CDK2AP1: variants seen among roughly 807,000 people sequenced by gnomAD.
CDK2AP1 encodes the protein cyclin-dependent kinase 2-associated protein 1.
A neutral mutation model predicts 14.1 loss-of-function variants in CDK2AP1; 10 were observed. That is an observed-to-expected ratio of 0.71 (90% CI 0.44 to 1.20). The LOEUF is 1.20. Ranked by LOEUF, CDK2AP1 falls within the 50% of genes most tolerant of loss-of-function variation. The pLI is 0.00. For synonymous variants in CDK2AP1, 59 were observed against 59.8 expected (o/e 0.99, Z 0.06); for missense variants, 102 against 149.9 (o/e 0.68, Z 1.67).
Position 123,265,573 on chromosome 12 carries a change from CG to C in CDK2AP1, c.154-252del, listed in dbSNP as rs1207424477. On this transcript the variant is annotated intron_variant, in intron 2 of 3. Transcript: ENST00000261692. This position sits in a 1 kb window ranked among gnomAD's most constrained non-coding sequence, Gnocchi z 5.3. ...ACAGGCAGGTGGGTGGAGAGGGCCC[CG>C]GGCCGGTCAGGATAGGGAACGCAGC... Among the ~76,000 whole-genome samples the C allele has an allele frequency of 2.0e-5, 3 of 151,906 alleles. No individual in the cohort carries two copies. The East Asian group carries it at 5.8e-4, about 29-fold the overall frequency.
At position 123,261,451 on chromosome 12, in the gene CDK2AP1, G is replaced by A. The variant is rs992569910; in HGVS notation, c.*285C>T. The A allele has an allele frequency of 8.3e-6, 3 of 362,666 alleles. No homozygotes were observed. Among genetic ancestry groups the A allele is most frequent in the Non-Finnish European group, 1.5e-5 (3 of 195,278 alleles). 22.5% of individuals were successfully genotyped at this position (362,666 alleles called of 1,614,324 possible). On this transcript the variant is annotated 3_prime_UTR_variant, in exon 4 of 4. Coordinates refer to ENST00000261692, the MANE Select transcript of CDK2AP1 (RefSeq NM_004642.4). Reference sequence around the variant, plus strand: ...AAAGGGAGACAATGGTGTCTTGGAGGCAAACTACAGTTTGCTGTAAGATAA... The same window carrying A: ...AAAGGGAGACAATGGTGTCTTGGAGACAAACTACAGTTTGCTGTAAGATAA...
intron 1 of CDK2AP1, chr12:123,270,739 G>A: frequency 1.1e-5 from 8 of 730,536 alleles, no homozygotes; most frequent in Non-Finnish European, 1.3e-5. Context: ...CTTGAGGGGA[G>A]CCCCTCCCGG....
chr12:123,263,511 A>G (rs1293823351), intron 3 of CDK2AP1, among the ~76,000 whole-genome samples: 2 of 152,124 alleles, frequency 1.3e-5, no homozygotes, highest in African/African-American at 2.4e-5. Context: ...TCTTCCCAGG[A>G]ATTTCCATTC....
chr12:123,261,436 A>G lies in CDK2AP1; in HGVS notation c.*300T>C. ...ACAAAAGAGAAGATTAAAGGGAGACAATGGTGTCTTGGAGGCAAACTACAG... is the reference window on the plus strand; with the variant it reads ...ACAAAAGAGAAGATTAAAGGGAGACGATGGTGTCTTGGAGGCAAACTACAG... On this transcript the variant is annotated 3_prime_UTR_variant, in exon 4 of 4. Coordinates refer to ENST00000261692, the MANE Select transcript of CDK2AP1 (RefSeq NM_004642.4). 3.0e-6 allele frequency: 1 copy of G among 332,332 alleles called. No homozygotes were observed. The highest frequency in any genetic ancestry group is 5.6e-6 in the Non-Finnish European group (1 of 177,028). The allele number at this position is 332,332 out of a possible 1,614,324, so 20.6% of individuals were successfully genotyped here. A position where few individuals can be genotyped will look rare whatever the true frequency, so the allele number is the denominator to read the frequency against.
At chr12:123,266,741 TC>T (rs1460545437) in intron 2 of CDK2AP1, among the ~76,000 whole-genome samples, 1 of 152,158 alleles carries the variant, frequency 6.6e-6, no homozygotes, top group African/African-American at 2.4e-5. Context: ...ATACTGGCCC[TC>T]GACAAAAGGC....
rs150759172 is a variant in CDK2AP1 at position 123,263,220 on chromosome 12, A to C, written c.281-1417T>G. Among the ~76,000 whole-genome samples the C allele has an allele frequency of 6.7e-4, 102 of 151,454 alleles. 1 individual carries two copies. The highest frequency in any genetic ancestry group is 2.3e-3 in the African/African-American group (97 of 41,318). On this transcript the variant is annotated intron_variant, in intron 3 of 3. Coordinates refer to ENST00000261692, the MANE Select transcript of CDK2AP1 (RefSeq NM_004642.4). The stretch of plus-strand genomic sequence containing the variant: ...AGCGAGACTCTGTCTCAAAAAAAAA[A>C]AAAAAACAAAAAAAAACCACTATTC...
At chr12:123,267,552 G>A in intron 1 of CDK2AP1, 1 of 403,242 alleles carries the variant, frequency 2.5e-6, no homozygotes, top group Admixed American at 3.7e-5. Flanking sequence ...CAGCAGGGCT[G>A]CTCCCAAAGA....
chr12:123,261,140 G>A lies in CDK2AP1; in HGVS notation c.*596C>T, dbSNP rs1289147032. On this transcript the variant is annotated 3_prime_UTR_variant, in exon 4 of 4. Coordinates refer to ENST00000261692, the MANE Select transcript of CDK2AP1 (RefSeq NM_004642.4). Reference sequence around the variant, plus strand: ...TGAGATCTACTTACAGTCTTAGTATGAAAGTGTTCGGGGGTCCTTGTTAGG... The same window carrying A: ...TGAGATCTACTTACAGTCTTAGTATAAAAGTGTTCGGGGGTCCTTGTTAGG... The A allele has an allele frequency of 6.6e-6, 1 of 152,562 alleles. No homozygotes were observed. The highest frequency in any genetic ancestry group is 1.5e-5 in the Non-Finnish European group (1 of 68,134). 9.5% of individuals were successfully genotyped at this position (152,562 alleles called of 1,614,324 possible).
chr12:123,270,089 T>G, intron 1 of CDK2AP1: 1 of 347,162 alleles, frequency 2.9e-6, no homozygotes, highest in Non-Finnish European at 4.1e-6. Context: ...GACACCAGGG[T>G]AAGCCTGAGC....
chr12:123,270,791 C>T, intron 1 of CDK2AP1: 1 of 976,642 alleles, frequency 1.0e-6, no homozygotes, highest in Non-Finnish European at 1.2e-6. Flanking sequence ...CTTGGGGGCT[C>T]CCAGATGGGG....
intron 2 of CDK2AP1, among the ~76,000 whole-genome samples, chr12:123,266,924 G>A (rs1425112703): frequency 6.6e-6 from 1 of 152,214 alleles, no homozygotes; most frequent in East Asian, 1.9e-4. Flanking sequence ...GCGTGGGGTG[G>A]GAGCCTCAGC....
In CDK2AP1 at chr12:123,261,684, G is replaced by T. The variant is rs1176043294; in HGVS notation, c.*52C>A. The T allele has an allele frequency of 2.7e-6, 4 of 1,467,038 alleles. No individual in the cohort carries two copies. Among genetic ancestry groups the T allele is most frequent in the Non-Finnish European group, 2.9e-6 (3 of 1,045,780 alleles). The allele number at this position is 1,467,038 out of a possible 1,614,324, so 90.9% of individuals were successfully genotyped here. A position where few individuals can be genotyped will look rare whatever the true frequency, so the allele number is the denominator to read the frequency against. ...TTCATCTGAACAGGGGAGATGAACT[G>T]TAACTTCTCATCTTGTAAAAAGATG... On this transcript the variant is annotated 3_prime_UTR_variant, in exon 4 of 4. Transcript: ENST00000261692.
In CDK2AP1 at chr12:123,267,239, T is replaced by C. The variant is rs749435329; in HGVS notation, c.99A>G (p.Ser33=). The change falls in exon 2 of 4, where the codon TCA becomes TCG. Residue 33 remains serine (S), a synonymous_variant. Coordinates refer to ENST00000261692, the MANE Select transcript of CDK2AP1 (RefSeq NM_004642.4). The stretch of plus-strand genomic sequence containing the variant: ...AGTCACTGAGCAGCTGGCGGTACTG[T>C]GAAGACGTTGCCATGCTGGTGGAAG... ...HSPSTSMATS[S]QYRQLLSDYG... 1 of 1,613,582 alleles carries C rather than the reference T, an allele frequency of 6.2e-7. No individual in the cohort carries two copies. The highest frequency in any genetic ancestry group is 1.1e-5 in the South Asian group (1 of 91,070).
chr12:123,268,485 C>G (rs944676670), intron 1 of CDK2AP1, among the ~76,000 whole-genome samples: 1 of 152,262 alleles, frequency 6.6e-6, no homozygotes, highest in Non-Finnish European at 1.5e-5. Flanking sequence ...CCAGCTACCC[C>G]GGCACCTGCC....
In CDK2AP1 at chr12:123,261,652, C is replaced by T. The variant is rs1005515855; in HGVS notation, c.*84G>A. On this transcript the variant is annotated 3_prime_UTR_variant, in exon 4 of 4. Coordinates refer to ENST00000261692, the MANE Select transcript of CDK2AP1 (RefSeq NM_004642.4). ...AACGAAACTGTAACCATTTTGAAAA[C>T]AAGGGTTTCATCTGAACAGGGGAGA... is the stretch of plus-strand genomic sequence containing the variant. 1.1e-5 allele frequency: 12 copies of T among 1,141,104 alleles called. No individual in the cohort carries two copies. In the African/African-American group the frequency reaches 1.5e-4, roughly 14 times the overall value. 70.7% of individuals were successfully genotyped at this position (1,141,104 alleles called of 1,614,324 possible). A position where few individuals can be genotyped will look rare whatever the true frequency, so the allele number is the denominator to read the frequency against.
chr12:123,268,117 G>T, intron 1 of CDK2AP1: 2 of 898,788 alleles, frequency 2.2e-6, no homozygotes, highest in Non-Finnish European at 2.7e-6. Context: ...GCCATTAGCG[G>T]GTAAAGGATA....
chr12:123,268,562 C>T (rs1213927802), intron 1 of CDK2AP1, among the ~76,000 whole-genome samples: 1 of 152,248 alleles, frequency 6.6e-6, no homozygotes, highest in Non-Finnish European at 1.5e-5. Flanking sequence ...TGGATGCTGC[C>T]ACTGCAGCCC....
intron 3 of CDK2AP1, among the ~76,000 whole-genome samples, chr12:123,263,548 G>A (rs549355060): frequency 2.6e-5 from 4 of 152,284 alleles, no homozygotes; most frequent in African/African-American, 4.8e-5. Context: ...AGCTACCGGA[G>A]AGCAGCCCTG....
Position 123,261,684 on chromosome 12 carries a change from G to C in CDK2AP1, c.*52C>G. On this transcript the variant is annotated 3_prime_UTR_variant, in exon 4 of 4. Transcript: ENST00000261692. ...TTCATCTGAACAGGGGAGATGAACT[G>C]TAACTTCTCATCTTGTAAAAAGATG... 2.0e-6 allele frequency: 3 copies of C among 1,467,158 alleles called. No homozygotes were observed. Among genetic ancestry groups the C allele is most frequent in the Non-Finnish European group, 2.9e-6 (3 of 1,045,772 alleles). The allele number at this position is 1,467,158 out of a possible 1,614,324, so 90.9% of individuals were successfully genotyped here. A position where few individuals can be genotyped will look rare whatever the true frequency, so the allele number is the denominator to read the frequency against.
Sources: gnomAD v4.1 joint callset for allele counts (sites outside exome capture counted in the v4.1 genomes callset) on GRCh38, gnomAD v4.1.1 for gene constraint, Gnocchi (gnomAD v3.1) non-coding constraint, MANE v1.5 for transcripts, NCBI Gene and HGNC (gene_info 2026-07-23, HGNC 2026-07-21) for gene names.